DGKB: variants seen among roughly 807,000 people sequenced by gnomAD.
DGKB encodes the protein diacylglycerol kinase beta.
DGKB carries 67 observed loss-of-function variants against 114.3 expected under a neutral mutation model. That is an observed-to-expected ratio of 0.59 (90% CI 0.48 to 0.72). DGKB has a LOEUF of 0.72. DGKB is among the 30% of genes least tolerant of loss of function. The pLI is 0.00. For synonymous variants in DGKB, 398 were observed against 323.1 expected (o/e 1.23, Z -2.49); for missense variants, 907 against 975.2 (o/e 0.93, Z 0.93).
intron 23 of DGKB, among the ~76,000 whole-genome samples, chr7:14,209,820 A>G (rs1787460132): frequency 6.6e-6 from 1 of 151,176 alleles, no homozygotes; most frequent in South Asian, 2.1e-4. Flanking sequence ...GGGCTCTGGT[A>G]TTGTTATTTT....
At chr7:14,775,842 C>A (rs910705193) in intron 2 of DGKB, among the ~76,000 whole-genome samples, 4 of 151,850 alleles carry the variant, frequency 2.6e-5, no homozygotes, top group Admixed American at 1.3e-4. Flanking sequence ...GTAAATTGGT[C>A]ATGGGAGGAG....
chr7:14,897,410 A>G (rs1044795226), intron 1 of DGKB, among the ~76,000 whole-genome samples: 1 of 151,860 alleles, frequency 6.6e-6, no homozygotes, highest in Non-Finnish European at 1.5e-5. Flanking sequence ...ATGATTCACT[A>G]TTTATGAGCT....
chr7:14,718,417 T>G (rs1452596016), intron 6 of DGKB, 125 bp downstream of exon 6: 20 of 734,484 alleles, frequency 2.7e-5, no homozygotes, highest in Middle Eastern at 3.8e-4. Flanking sequence ...TTTTTACTAT[T>G]AAGCAGGATC....
chr7:14,296,220 CG>C (rs1156901503), intron 23 of DGKB, among the ~76,000 whole-genome samples: 2 of 151,760 alleles, frequency 1.3e-5, no homozygotes, highest in African/African-American at 2.4e-5. Flanking sequence ...TTAATAGAGA[CG>C]GGGTTTCACC....
intron 23 of DGKB, among the ~76,000 whole-genome samples, chr7:14,257,046 C>G (rs12536819): frequency 0.46 from 70,494 of 151,786 alleles, 18,385 homozygotes; most frequent in Non-Finnish European, 0.59. Flanking sequence ...TCTTGAAGTT[C>G]TAGCTATTGG....
intron 23 of DGKB, among the ~76,000 whole-genome samples, chr7:14,309,350 C>T (rs1174977427): frequency 6.6e-6 from 1 of 152,116 alleles, no homozygotes; most frequent in African/African-American, 2.4e-5. Flanking sequence ...TAAAAGCAAA[C>T]ACCACACTGA....
At chr7:14,578,161 C>T (rs1050679779) in intron 19 of DGKB, among the ~76,000 whole-genome samples, 1 of 152,120 alleles carries the variant, frequency 6.6e-6, no homozygotes. Context: ...GCTTCTCTCA[C>T]CTGCTGCCAT....
intron 14 of DGKB, among the ~76,000 whole-genome samples, chr7:14,624,777 C>T (rs150245541): frequency 3.9e-5 from 6 of 152,198 alleles, no homozygotes; most frequent in African/African-American, 1.4e-4. Flanking sequence ...GCAGGCAGAT[C>T]GCTGGAGCCC....
At chr7:14,481,262 G>A (rs1010333663) in intron 20 of DGKB, among the ~76,000 whole-genome samples, 3 of 151,754 alleles carry the variant, frequency 2.0e-5, no homozygotes, top group African/African-American at 7.3e-5. Flanking sequence ...GCTTATTTAT[G>A]TTTTAAGTAA....
chr7:14,666,543 A>G (rs901142904), intron 13 of DGKB, among the ~76,000 whole-genome samples: 3 of 152,034 alleles, frequency 2.0e-5, no homozygotes, highest in African/African-American at 7.2e-5. Context: ...ATTTTTTAAT[A>G]GATTCTATTA....
chr7:14,894,817 A>T (rs1756384112), intron 1 of DGKB, among the ~76,000 whole-genome samples: 1 of 151,624 alleles, frequency 6.6e-6, no homozygotes, highest in South Asian at 2.1e-4. Context: ...GATAGAGTAC[A>T]TTCAAAGCCA....
At chr7:14,529,220 T>C (rs10279914) in intron 20 of DGKB, among the ~76,000 whole-genome samples, 2 of 152,070 alleles carry the variant, frequency 1.3e-5, no homozygotes, top group African/African-American at 4.8e-5. Flanking sequence ...ATTCATTTGA[T>C]GTAGGCTGAA....
intron 13 of DGKB, among the ~76,000 whole-genome samples, chr7:14,635,005 ATTATTTTTCTTT>A (rs1810462817): frequency 6.6e-6 from 1 of 151,570 alleles, no homozygotes; most frequent in Admixed American, 6.6e-5. Context: ...AGAAACATAA[ATTATTTTTCTTT>A]TCCACAAAAA....
intron 2 of DGKB, among the ~76,000 whole-genome samples, chr7:14,807,175 T>C (rs1385025596): frequency 2.0e-5 from 3 of 152,044 alleles, no homozygotes; most frequent in African/African-American, 4.8e-5. Flanking sequence ...CTTTCTATAG[T>C]AGTCAATTAG....
intron 20 of DGKB, among the ~76,000 whole-genome samples, chr7:14,536,216 A>G (rs1348422885): frequency 6.6e-6 from 1 of 152,174 alleles, no homozygotes; most frequent in African/African-American, 2.4e-5. Flanking sequence ...GAATTTTACC[A>G]AACATTTAAA....
chr7:14,587,218 T>A (rs1800922013), intron 17 of DGKB, among the ~76,000 whole-genome samples: 1 of 152,068 alleles, frequency 6.6e-6, no homozygotes. Flanking sequence ...CCAAGTCTCA[T>A]GGATGACTTT....
intron 12 of DGKB, among the ~76,000 whole-genome samples, chr7:14,680,451 T>A (rs1157255155): frequency 6.6e-6 from 1 of 152,066 alleles, no homozygotes; most frequent in East Asian, 1.9e-4. Flanking sequence ...AGAAACTGCC[T>A]CTTTTCCTGT....
intron 1 of DGKB, among the ~76,000 whole-genome samples, chr7:14,849,979 G>C (rs1849133328): frequency 6.6e-6 from 1 of 152,098 alleles, no homozygotes; most frequent in Non-Finnish European, 1.5e-5. Flanking sequence ...ATTAGAGGTG[G>C]AAAAAGCCTC....
chr7:14,581,530 T>C (rs570505000), intron 18 of DGKB, among the ~76,000 whole-genome samples: 2 of 152,350 alleles, frequency 1.3e-5, no homozygotes, highest in African/African-American at 2.4e-5. Context: ...AGGTTTTCCA[T>C]GAGATTAATC....
Sources: gnomAD v4.1 joint callset for allele counts (sites outside exome capture counted in the v4.1 genomes callset) on GRCh38, gnomAD v4.1.1 for gene constraint, MANE v1.5 for transcripts, NCBI Gene and HGNC (gene_info 2026-07-23, HGNC 2026-07-21) for gene names.